The following MELTF variants were observed in gnomAD, a reference collection of about 807,000 sequenced individuals.
The protein encoded by MELTF is melanotransferrin, also known as antigen p97 (melanoma associated) identified by monoclonal antibodies 133.2 and 96.5.
In MELTF, 67 loss-of-function variants were observed where a neutral mutation model predicts 83.7. The observed-to-expected ratio is 0.80, with a 90% confidence interval of 0.66 to 0.98. MELTF has a LOEUF of 0.98. Ranked by LOEUF, MELTF falls within the 50% of genes least tolerant of loss-of-function variation. MELTF has a pLI of 0.00. For synonymous variants in MELTF, 462 were observed against 447.6 expected (o/e 1.03, Z -0.41); for missense variants, 1,002 against 1,035.6 (o/e 0.97, Z 0.44).
At chr3:197,013,962 A>G (rs778037262) in intron 9 of MELTF, among the ~76,000 whole-genome samples, 2 of 152,204 alleles carry the variant, frequency 1.3e-5, no homozygotes, top group African/African-American at 2.4e-5. Context: ...ACAAACTACA[A>G]ATCGAACTAT....
At chr3:197,023,199 C>G (rs1325259626) in intron 4 of MELTF, 86 bp from the exon 5 acceptor site, 16 of 1,314,736 alleles carry the variant, frequency 1.2e-5, no homozygotes, top group Non-Finnish European at 1.7e-5. Context: ...GGCCCGGGCT[C>G]TCATCTGGAC....
At position 197,003,840 on chromosome 3, in the gene MELTF, G is replaced by A; in HGVS notation, c.2137+61C>T. 6.5e-7 allele frequency: 1 copy of A among 1,548,454 alleles called. No homozygotes were observed. Among genetic ancestry groups the A allele is most frequent in the Non-Finnish European group, 8.8e-7 (1 of 1,137,928 alleles). ...CCCGCAGCGCCCCCCGCTCCCTCAGGGTTCTGGGGTGAAGGGGTCTGAATA... is the reference window on the plus strand; with the variant it reads ...CCCGCAGCGCCCCCCGCTCCCTCAGAGTTCTGGGGTGAAGGGGTCTGAATA... On this transcript the variant is annotated intron_variant, in intron 15 of 15. Transcript: ENST00000296350. This position sits in a 1 kb window ranked among gnomAD's most constrained non-coding sequence, Gnocchi z 6.2.
Position 197,009,628 on chromosome 3 carries a change from G to A in MELTF, c.1515C>T (p.Asp505=), listed in dbSNP as rs570845591. 2.7e-5 allele frequency: 44 copies of A among 1,607,158 alleles called. No homozygotes were observed. The Admixed American group carries it at 3.7e-4, about 13-fold the overall frequency. The change falls in exon 11 of 16, where the codon GAC becomes GAT. Residue 505 remains aspartate, a synonymous_variant. Coordinates refer to ENST00000296350, the MANE Select transcript of MELTF (RefSeq NM_005929.6). ...QRGFIRPKDC[D]VLTAVSEFFN... ...AAAAGGGGGGGGTACCTGTGAGGAC[G>A]TCACAGTCCTTGGGCCGGATGAAGC...
At chr3:197,021,369 C>T (rs758230277) in intron 6 of MELTF, 35 bp downstream of exon 6, 1 of 1,611,258 alleles carries the variant, frequency 6.2e-7, no homozygotes, top group Non-Finnish European at 8.5e-7. Flanking sequence ...GCCTGACTCC[C>T]TGCTCCTCTG....
intron 7 of MELTF, 104 bp from the exon 8 acceptor site, chr3:197,016,473 G>T: frequency 2.7e-6 from 3 of 1,091,556 alleles, no homozygotes; most frequent in South Asian, 2.0e-5. Context: ...CTCAGACCAG[G>T]CACCCACCCT....
At chr3:197,015,019 G>A (rs1420377463) in intron 9 of MELTF, among the ~76,000 whole-genome samples, 1 of 152,226 alleles carries the variant, frequency 6.6e-6, no homozygotes, top group East Asian at 1.9e-4. Flanking sequence ...AAAGGGGAAG[G>A]GGCTTGCCCC....
chr3:197,020,374 C>T (rs1719570636), intron 6 of MELTF, among the ~76,000 whole-genome samples: 1 of 152,130 alleles, frequency 6.6e-6, no homozygotes, highest in Admixed American at 6.6e-5. Flanking sequence ...GTTGCGTGTC[C>T]TGATTTGGAT....
chr3:197,003,619 A>G lies in MELTF; in HGVS notation c.2138-168T>C, dbSNP rs1718851355. The G allele has an allele frequency of 1.5e-6, 1 of 653,220 alleles. No individual in the cohort carries two copies. Among genetic ancestry groups the G allele is most frequent in the South Asian group, 2.4e-5 (1 of 41,038 alleles). The allele number at this position is 653,220 out of a possible 1,614,324, so 40.5% of individuals were successfully genotyped here. A position where few individuals can be genotyped will look rare whatever the true frequency, so the allele number is the denominator to read the frequency against. ...CCTTCCAGATGCGCTCTTTCCAGAA[A>G]GGCAGCACACGCATGTCTCTGCCGT... is the stretch of plus-strand genomic sequence containing the variant. On this transcript the variant is annotated intron_variant, in intron 15 of 15. Transcript: ENST00000296350. The surrounding 1 kb of genome is among the most constrained non-coding windows in gnomAD (Gnocchi z 6.2).
chr3:197,027,976 T>C, intron 1 of MELTF, 66 bp from the exon 2 acceptor site: 1 of 1,489,986 alleles, frequency 6.7e-7, no homozygotes, highest in Non-Finnish European at 9.0e-7. Flanking sequence ...CCATGGAGGG[T>C]GGCTCCAGCA....
intron 9 of MELTF, among the ~76,000 whole-genome samples, chr3:197,014,247 A>G (rs747756517): frequency 2.0e-5 from 3 of 152,222 alleles, no homozygotes; most frequent in Non-Finnish European, 4.4e-5. Flanking sequence ...ATGTGAAATA[A>G]GCCAGGCACA....
In MELTF at chr3:197,003,123, C is replaced by T. The variant is rs2108948070; in HGVS notation, c.*249G>A. 5.2e-6 allele frequency: 1 copy of T among 193,304 alleles called. No homozygotes were observed. The highest frequency in any genetic ancestry group is 9.4e-6 in the Non-Finnish European group (1 of 106,224). 12.0% of individuals were successfully genotyped at this position (193,304 alleles called of 1,614,324 possible). A position where few individuals can be genotyped will look rare whatever the true frequency, so the allele number is the denominator to read the frequency against. On this transcript the variant is annotated 3_prime_UTR_variant, in exon 16 of 16. Transcript: ENST00000296350. The surrounding 1 kb of genome is among the most constrained non-coding windows in gnomAD (Gnocchi z 6.2). The stretch of plus-strand genomic sequence containing the variant: ...AGCGGTTTCCTGGGCAACCGGCCTC[C>T]TCCGGCGCGGCCCGCGCGGCTCCAG...
chr3:197,017,366 GA>G, intron 6 of MELTF, 76 bp from the exon 7 acceptor site: 1 of 1,324,910 alleles, frequency 7.5e-7, no homozygotes, highest in Non-Finnish European at 1.0e-6. Context: ...CCAGGAGAGG[GA>G]ATCTGAGGGG....
chr3:197,004,249 T>C, intron 14 of MELTF, 150 bp from the exon 15 acceptor site: 5 of 763,210 alleles, frequency 6.6e-6, no homozygotes, highest in Non-Finnish European at 8.9e-6. Context: ...AGTCATAAGC[T>C]TGACAACTGA....
chr3:197,010,123 GA>G (rs1275710214), intron 10 of MELTF, among the ~76,000 whole-genome samples: 2 of 152,244 alleles, frequency 1.3e-5, no homozygotes, highest in African/African-American at 4.8e-5. Context: ...TACCCAGGAG[GA>G]AAGTGGAGGC....
At chr3:197,023,245 T>G in intron 4 of MELTF, 132 bp from the exon 5 acceptor site, 1 of 943,204 alleles carries the variant, frequency 1.1e-6, no homozygotes, top group Non-Finnish European at 1.6e-6. Flanking sequence ...AGCTTCAGTC[T>G]GAGCAAAGCT....
At chr3:197,009,175 A>G (rs1169968918) in intron 11 of MELTF, among the ~76,000 whole-genome samples, 2 of 152,148 alleles carry the variant, frequency 1.3e-5, no homozygotes, top group Non-Finnish European at 2.9e-5. Context: ...CAGCATCTCC[A>G]TCACCAAACA....
chr3:197,017,307 C>T lies in MELTF; in HGVS notation c.713-17G>A, dbSNP rs767151304. The T allele has an allele frequency of 1.3e-6, 2 of 1,512,652 alleles. No individual in the cohort carries two copies. The highest frequency in any genetic ancestry group is 1.4e-5 in the African/African-American group (1 of 72,456). 93.7% of individuals were successfully genotyped at this position (1,512,652 alleles called of 1,614,324 possible). A position where few individuals can be genotyped will look rare whatever the true frequency, so the allele number is the denominator to read the frequency against. On this transcript the variant is annotated splice_polypyrimidine_tract_variant and intron_variant, in intron 6 of 15. Transcript: ENST00000296350. ...GCGTCTTCCCTGGGAAGCAGGAAGC[C>T]TGGGCTGAGCCAGCTCCGAAAGGGG... is the stretch of plus-strand genomic sequence containing the variant.
rs975060424 is a variant in MELTF, at chr3:197,029,137, A to G, written c.49+517T>C. 1.3e-5 allele frequency: 2 copies of G among 151,714 alleles called. No homozygotes were observed. Among genetic ancestry groups the G allele is most frequent in the African/African-American group, 4.9e-5 (2 of 41,180 alleles). 9.4% of individuals were successfully genotyped at this position (151,714 alleles called of 1,614,324 possible). A position where few individuals can be genotyped will look rare whatever the true frequency, so the allele number is the denominator to read the frequency against. On this transcript the variant is annotated intron_variant, in intron 1 of 15. Transcript: ENST00000296350. The surrounding 1 kb of genome is among the most constrained non-coding windows in gnomAD (Gnocchi z 6.5). ...TCCCCGAGGTCCCGCCTCCCGTCCC[A>G]CCATCCCGGGCCCTGACTCCCCGGG...
intron 6 of MELTF, chr3:197,019,086 AC>A: frequency 1.0e-6 from 1 of 985,572 alleles, no homozygotes; most frequent in Non-Finnish European, 1.2e-6. Context: ...AAAACCAAAC[AC>A]CCGCACCAGA....
Sources: gnomAD v4.1 joint callset for allele counts (sites outside exome capture counted in the v4.1 genomes callset) on GRCh38, gnomAD v4.1.1 for gene constraint, Gnocchi (gnomAD v3.1) non-coding constraint, MANE v1.5 for transcripts, NCBI Gene and HGNC (gene_info 2026-07-23, HGNC 2026-07-21) for gene names.